The following KLF12 variants were observed in gnomAD, a reference collection of about 807,000 sequenced individuals.
KLF12 encodes Krueppel-like factor 12.
Under a neutral mutation model 37.8 loss-of-function variants are expected in KLF12, and 9 were observed. The ratio of observed to expected loss-of-function variants is 0.24; its 90% CI spans 0.14 to 0.42. KLF12 has a LOEUF of 0.42. Ranked by LOEUF, KLF12 falls within the 10% of genes least tolerant of loss-of-function variation. The pLI, the probability that KLF12 is intolerant of heterozygous loss-of-function variation, is 1.00. For missense variants in KLF12, 411 were observed against 516.0 expected (o/e 0.80, Z 1.97); for synonymous variants, 208 against 202.1 (o/e 1.03, Z -0.25).
chr13:73,863,347 C>T (rs994912684), intron 3 of KLF12, among the ~76,000 whole-genome samples: 1 of 152,016 alleles, frequency 6.6e-6, no homozygotes, highest in Non-Finnish European at 1.5e-5. Flanking sequence ...GCTGTGGATT[C>T]CAACAGACAG....
chr13:73,958,818 C>T (rs371476164), intron 2 of KLF12, among the ~76,000 whole-genome samples: 1 of 152,036 alleles, frequency 6.6e-6, no homozygotes, highest in Non-Finnish European at 1.5e-5. Context: ...TCCTTTATCA[C>T]CCAGAAGCTA....
At chr13:73,782,423 G>A (rs1016199133) in intron 5 of KLF12, among the ~76,000 whole-genome samples, 5 of 152,194 alleles carry the variant, frequency 3.3e-5, no homozygotes, top group Non-Finnish European at 5.9e-5. Context: ...GCATTGACAG[G>A]CTAAATGCTA....
At chr13:74,034,555 G>T (rs1393818545) in intron 1 of KLF12, among the ~76,000 whole-genome samples, 2 of 152,196 alleles carry the variant, frequency 1.3e-5, no homozygotes, top group Non-Finnish European at 2.9e-5. Context: ...TTATAAAAGT[G>T]TTTGAAGTAG....
At chr13:74,010,518 C>G (rs1305551644) in intron 1 of KLF12, among the ~76,000 whole-genome samples, 1 of 152,174 alleles carries the variant, frequency 6.6e-6, no homozygotes, top group African/African-American at 2.4e-5. Context: ...TCTCTAAAAT[C>G]CAGTTTTTTC....
intron 1 of KLF12, among the ~76,000 whole-genome samples, chr13:74,119,930 A>C (rs1877525618): frequency 6.6e-6 from 1 of 152,124 alleles, no homozygotes; most frequent in South Asian, 2.1e-4. Flanking sequence ...AGTTAAAGAA[A>C]AAACTCCTGA....
At chr13:74,200,220 G>T in the KLF12 span, among the ~76,000 whole-genome samples, 1 of 151,884 alleles carries the variant, frequency 6.6e-6, no homozygotes, top group African/African-American at 2.4e-5. Context: ...AGGCCTAATT[G>T]GATTCTTTTA....
chr13:74,267,522 C>T, the KLF12 span, among the ~76,000 whole-genome samples: 1 of 152,068 alleles, frequency 6.6e-6, no homozygotes, highest in Non-Finnish European at 1.5e-5. Flanking sequence ...TACGTGGGAG[C>T]TTTAAAAGTT....
chr13:73,894,589 T>C (rs1483340459), intron 3 of KLF12, among the ~76,000 whole-genome samples: 2 of 152,210 alleles, frequency 1.3e-5, no homozygotes, highest in African/African-American at 2.4e-5. Flanking sequence ...CTTAATCACT[T>C]TTTTCTCTCA....
intron 2 of KLF12, among the ~76,000 whole-genome samples, chr13:73,988,738 A>G (rs1891890185): frequency 6.6e-6 from 1 of 152,248 alleles, no homozygotes; most frequent in Admixed American, 6.5e-5. Context: ...CAAAGGAAAT[A>G]AAATATACAA....
chr13:73,909,766 T>C (rs1221362420), intron 3 of KLF12, among the ~76,000 whole-genome samples: 1 of 152,210 alleles, frequency 6.6e-6, no homozygotes, highest in African/African-American at 2.4e-5. Context: ...TAAATATCTA[T>C]TAATCTTCTT....
At chr13:74,051,588 C>G (rs1872929585) in intron 1 of KLF12, among the ~76,000 whole-genome samples, 1 of 151,882 alleles carries the variant, frequency 6.6e-6, no homozygotes, top group Admixed American at 6.6e-5. Flanking sequence ...GGGGCATGAA[C>G]TGAGGAATAG....
the KLF12 span, among the ~76,000 whole-genome samples, chr13:74,143,081 TCTC>T: frequency 2.7e-5 from 4 of 148,190 alleles, no homozygotes; most frequent in Admixed American, 1.4e-4. Context: ...CTTTCCTCCT[TCTC>T]CTCCTCTTCT....
the KLF12 span, among the ~76,000 whole-genome samples, chr13:74,241,366 T>G: frequency 1.1e-4 from 16 of 151,896 alleles, no homozygotes; most frequent in Non-Finnish European, 2.1e-4. Flanking sequence ...ACAGGGACAT[T>G]TAAGTCTGCA....
chr13:74,290,086 A>G, the KLF12 span, among the ~76,000 whole-genome samples: 432 of 152,196 alleles, frequency 2.8e-3, 3 homozygotes, highest in African/African-American at 9.8e-3. Context: ...ATGCCAGAAA[A>G]CCATCCATTA....
chr13:74,080,304 T>C (rs1164636048), intron 1 of KLF12, among the ~76,000 whole-genome samples: 1 of 151,858 alleles, frequency 6.6e-6, no homozygotes, highest in Non-Finnish European at 1.5e-5. Context: ...TTAAGTTAGC[T>C]GGACATGGTG....
chr13:73,997,047 T>G (rs12385870), intron 1 of KLF12, among the ~76,000 whole-genome samples: 11,421 of 152,226 alleles, frequency 0.075, 654 homozygotes, highest in African/African-American at 0.16. Flanking sequence ...CAATTTAAAT[T>G]TATATTTCTG....
At chr13:74,124,232 A>G (rs1877808335) in intron 1 of KLF12, among the ~76,000 whole-genome samples, 1 of 152,196 alleles carries the variant, frequency 6.6e-6, no homozygotes, top group South Asian at 2.1e-4. Context: ...ACTTGTATTC[A>G]TATCTAAAGC....
chr13:74,217,938 T>C, the KLF12 span, among the ~76,000 whole-genome samples: 1 of 152,200 alleles, frequency 6.6e-6, no homozygotes, highest in African/African-American at 2.4e-5. Context: ...ATATATTCAA[T>C]ATAAACAATC....
intron 2 of KLF12, among the ~76,000 whole-genome samples, chr13:73,984,640 T>C (rs1180363896): frequency 6.6e-6 from 1 of 152,208 alleles, no homozygotes; most frequent in Non-Finnish European, 1.5e-5. Context: ...CAGCCATATA[T>C]AATGTGCTTA....
Sources: gnomAD v4.1 joint callset for allele counts (sites outside exome capture counted in the v4.1 genomes callset) on GRCh38, gnomAD v4.1.1 for gene constraint, MANE v1.5 for transcripts, NCBI Gene and HGNC (gene_info 2026-07-23, HGNC 2026-07-21) for gene names.